The following WDTC1 variants were observed in gnomAD, a reference collection of about 807,000 sequenced individuals.
The protein encoded by WDTC1 is WD and tetratricopeptide repeats 1.
WDTC1 carries 12 observed loss-of-function variants against 76.0 expected under a neutral mutation model. The ratio of observed to expected loss-of-function variants is 0.16; its 90% CI spans 0.10 to 0.26. The LOEUF (loss-of-function observed/expected upper bound fraction) is 0.26, where lower values mean the gene tolerates loss of function less well. Ranked by LOEUF, WDTC1 falls within the 10% of genes least tolerant of loss-of-function variation. The pLI is 1.00. For synonymous variants in WDTC1, 326 were observed against 350.8 expected (o/e 0.93, Z 0.79); for missense variants, 511 against 908.8 (o/e 0.56, Z 5.63).
intron 3 of WDTC1, among the ~76,000 whole-genome samples, chr1:27,277,981 C>G (rs2013080521): frequency 6.6e-6 from 1 of 152,074 alleles, no homozygotes; most frequent in Non-Finnish European, 1.5e-5. Context: ...GCTGGGATTA[C>G]AGGCATGCAT....
rs754408113 is a variant in WDTC1 at position 27,287,798 on chromosome 1, G to A, written c.416G>A (p.Arg139His). Residue 139 changes from arginine to histidine, a missense_variant, in exon 6 of 16, where the codon CGC becomes CAC. Arg to His is a conservative substitution (Grantham distance 29). Coordinates refer to ENST00000319394, the MANE Select transcript of WDTC1 (RefSeq NM_001276252.2). ...MFGDHTNRVK[R>H]IATAPMWPNT... ...GGAGACCACACAAACCGGGTGAAGC[G>A]CATCGCCACAGCGCCCATGTGGCCC... The A allele has an allele frequency of 6.2e-7, 1 of 1,613,962 alleles. No homozygotes were observed. Among genetic ancestry groups the A allele is most frequent in the Non-Finnish European group, 8.5e-7 (1 of 1,179,934 alleles).
At chr1:27,284,436 G>A (rs1290286245) in intron 5 of WDTC1, among the ~76,000 whole-genome samples, 1 of 152,148 alleles carries the variant, frequency 6.6e-6, no homozygotes, top group Admixed American at 6.6e-5. Flanking sequence ...GGAATTACAA[G>A]ATACCTGAAC....
rs2013963387 is a variant in WDTC1, at chr1:27,306,637, C to CG, written c.*254_*255insG. 2 of 545,476 alleles carry CG rather than the reference C, an allele frequency of 3.7e-6. No homozygotes were observed. 33.8% of individuals were successfully genotyped at this position (545,476 alleles called of 1,614,324 possible). On this transcript the variant is annotated 3_prime_UTR_variant, in exon 16 of 16. Transcript: ENST00000319394. The surrounding 1 kb of genome is among the most constrained non-coding windows in gnomAD (Gnocchi z 5.0). ...GGGGACACCCCTCCATATGCCCCCC[C>CG]CCATCTCCTGCTTTCATGTCCCTGG...
chr1:27,262,384 CTTATTT>C (rs1250960295), intron 2 of WDTC1, among the ~76,000 whole-genome samples: 1 of 151,638 alleles, frequency 6.6e-6, no homozygotes, highest in Non-Finnish European at 1.5e-5. Context: ...TTTTATTTAT[CTTATTT>C]TTATTTTTAT....
chr1:27,287,292 G>A (rs938173047), intron 5 of WDTC1, among the ~76,000 whole-genome samples: 1 of 152,238 alleles, frequency 6.6e-6, no homozygotes, highest in Non-Finnish European at 1.5e-5. Context: ...AGTAGGGCAT[G>A]TGGGAGTCAG....
intron 8 of WDTC1, 62 bp from the exon 9 acceptor site, chr1:27,294,452 C>A: frequency 6.8e-7 from 1 of 1,461,950 alleles, no homozygotes; most frequent in Non-Finnish European, 9.6e-7. Flanking sequence ...ACTGACTTCA[C>A]ACAATCTCAT....
chr1:27,288,991 C>T (rs776074005), intron 6 of WDTC1, among the ~76,000 whole-genome samples: 3 of 147,528 alleles, frequency 2.0e-5, no homozygotes, highest in South Asian at 2.2e-4. Flanking sequence ...TGACCCCCCC[C>T]CCACCTCCCT....
chr1:27,287,982 G>A, intron 6 of WDTC1, 121 bp downstream of exon 6: 1 of 1,275,478 alleles, frequency 7.8e-7, no homozygotes, highest in Non-Finnish European at 1.1e-6. Flanking sequence ...TGTCTGCCCA[G>A]GGCAGTTGTC....
chr1:27,292,434 G>A lies in WDTC1; in HGVS notation c.662+37G>A, dbSNP rs746844703. The A allele has an allele frequency of 1.6e-5, 24 of 1,491,022 alleles. No individual in the cohort carries two copies. The Admixed American group carries it at 5.1e-4, about 32-fold the overall frequency. The allele number at this position is 1,491,022 out of a possible 1,614,324, so 92.4% of individuals were successfully genotyped here. ...TCAGCCTCCTGTCTCCTGTGAGTAA[G>A]TCCCCAGAGAACCTACTGCCCCTTT... On this transcript the variant is annotated intron_variant, in intron 7 of 15. Transcript: ENST00000319394.
intron 7 of WDTC1, among the ~76,000 whole-genome samples, chr1:27,293,417 G>A (rs1238333306): frequency 5.2e-5 from 7 of 135,318 alleles, no homozygotes; most frequent in Admixed American, 3.1e-4. Context: ...GGGTGGCAGA[G>A]TGAGACTCAG....
chr1:27,296,946 GA>G, intron 10 of WDTC1, 101 bp from the exon 11 acceptor site: 2 of 1,031,010 alleles, frequency 1.9e-6, no homozygotes, highest in Non-Finnish European at 3.0e-6. Flanking sequence ...ACAGTCCCAC[GA>G]TGGAACCATC....
At chr1:27,275,627 A>AT (rs2013000663) in intron 3 of WDTC1, among the ~76,000 whole-genome samples, 2 of 151,956 alleles carry the variant, frequency 1.3e-5, no homozygotes, top group African/African-American at 4.8e-5. Context: ...CAAAAAAAAA[A>AT]AAAAAATAAA....
At chr1:27,292,518 C>T (rs1236885595) in intron 7 of WDTC1, 121 bp downstream of exon 7, 5 of 953,854 alleles carry the variant, frequency 5.2e-6, no homozygotes, top group Non-Finnish European at 5.8e-6. Flanking sequence ...GCCTCAACCT[C>T]CCAGGCTCAA....
intron 3 of WDTC1, among the ~76,000 whole-genome samples, chr1:27,264,452 TAAA>T (rs553213081): frequency 6.4e-4 from 93 of 146,374 alleles, no homozygotes; most frequent in African/African-American, 2.2e-3. Flanking sequence ...ATAAAATGTT[TAAA>T]AAAAAAAACC....
At chr1:27,255,989 G>C (rs1404948504) in intron 1 of WDTC1, among the ~76,000 whole-genome samples, 2 of 152,222 alleles carry the variant, frequency 1.3e-5, no homozygotes, top group East Asian at 3.9e-4. Context: ...TCTTCTCAGA[G>C]AACCCCTCTC....
At chr1:27,304,245 A>T (rs2013899852) in intron 14 of WDTC1, 1 of 169,922 alleles carries the variant, frequency 5.9e-6, no homozygotes, top group Admixed American at 6.5e-5. Context: ...TGTTTCAGAC[A>T]CCATCATCCC....
At position 27,264,765 on chromosome 1, in the gene WDTC1, G is replaced by A. The variant is rs138084480; in HGVS notation, c.132+1530G>A. Among the ~76,000 whole-genome samples the A allele has an allele frequency of 3.8e-3, 581 of 152,044 alleles. 2 individuals are homozygous for A. Among genetic ancestry groups the A allele is most frequent in the African/African-American group, 0.013 (525 of 41,462 alleles). The stretch of plus-strand genomic sequence containing the variant: ...GGCCTCCCAAAGTGCTGGGAATTCA[G>A]GCGTGAACCACCTCACCCAGCCAAG... On this transcript the variant is annotated intron_variant, in intron 3 of 15. Transcript: ENST00000319394.
intron 1 of WDTC1, among the ~76,000 whole-genome samples, chr1:27,235,528 G>A (rs2011477149): frequency 6.6e-6 from 1 of 151,584 alleles, no homozygotes; most frequent in Non-Finnish European, 1.5e-5. Flanking sequence ...CGTATACAAA[G>A]GGCCTCTGCT....
At chr1:27,279,344 C>A (rs1465533114) in intron 3 of WDTC1, among the ~76,000 whole-genome samples, 1 of 151,960 alleles carries the variant, frequency 6.6e-6, no homozygotes. Context: ...AACCAGCCAG[C>A]CTGGTCAACA....
Sources: allele counts gnomAD v4.1 joint callset (sites outside exome capture counted in the v4.1 genomes callset), GRCh38; gene constraint gnomAD v4.1.1; non-coding constraint Gnocchi (gnomAD v3.1); transcripts MANE v1.5; gene names NCBI Gene and HGNC (gene_info 2026-07-23, HGNC 2026-07-21).